ADK: variants seen among roughly 807,000 people sequenced by gnomAD.
The protein encoded by ADK is N6,N6-dimethyladenosine kinase.
A neutral mutation model predicts 44.7 loss-of-function variants in ADK; 24 were observed. The observed-to-expected ratio is 0.54, with a 90% confidence interval of 0.39 to 0.76. The LOEUF is 0.76. ADK is among the 30% of genes least tolerant of loss of function. The probability of loss-of-function intolerance (pLI) is 0.00; values close to 1 mark genes in which losing one functional copy is unlikely to be tolerated. For synonymous variants in ADK, 128 were observed against 142.6 expected, an observed-to-expected ratio of 0.90 and a Z score of 0.73; for missense variants, 321 against 425.1, an observed-to-expected ratio of 0.76 and a Z score of 2.15.
At chr10:74,383,082 A>G (rs549518015) in intron 4 of ADK, among the ~76,000 whole-genome samples, 7 of 152,098 alleles carry the variant, frequency 4.6e-5, no homozygotes, top group Admixed American at 3.9e-4. Flanking sequence ...TTGACTTAGA[A>G]GTAACAATAA....
chr10:74,313,774 A>T (rs1180932672), intron 3 of ADK, among the ~76,000 whole-genome samples: 1 of 151,764 alleles, frequency 6.6e-6, no homozygotes, highest in Non-Finnish European at 1.5e-5. Flanking sequence ...ATTTCCTGTT[A>T]AACAGATCTC....
intron 1 of ADK, among the ~76,000 whole-genome samples, chr10:74,185,411 A>G (rs960317295): frequency 6.6e-6 from 1 of 152,144 alleles, no homozygotes; most frequent in Non-Finnish European, 1.5e-5. Context: ...ATCAATGTTG[A>G]GTAGGAAAGA....
intron 6 of ADK, among the ~76,000 whole-genome samples, chr10:74,492,138 A>G (rs186694192): frequency 6.6e-6 from 1 of 152,270 alleles, no homozygotes; most frequent in Admixed American, 6.5e-5. Context: ...GTTAGTAAAA[A>G]TTCACGTTTT....
intron 2 of ADK, among the ~76,000 whole-genome samples, chr10:74,214,087 CT>C (rs1404494588): frequency 6.6e-6 from 1 of 151,958 alleles, no homozygotes; most frequent in East Asian, 1.9e-4. Flanking sequence ...AGTTTTAATC[CT>C]CGTTTACTTT....
At chr10:74,571,064 G>C (rs1014456427) in intron 7 of ADK, among the ~76,000 whole-genome samples, 1 of 152,034 alleles carries the variant, frequency 6.6e-6, no homozygotes, top group African/African-American at 2.4e-5. Context: ...TTTTGTCTTT[G>C]GTTCTGTTTA....
intron 1 of ADK, among the ~76,000 whole-genome samples, chr10:74,197,466 A>G (rs534480264): frequency 3.7e-4 from 56 of 152,130 alleles, no homozygotes; most frequent in Non-Finnish European, 7.2e-4. Context: ...TGGGAGGCCC[A>G]AGGCGGGTGG....
intron 4 of ADK, among the ~76,000 whole-genome samples, chr10:74,350,545 G>A (rs1187420556): frequency 1.3e-5 from 2 of 151,922 alleles, no homozygotes; most frequent in Non-Finnish European, 2.9e-5. Flanking sequence ...GCTAGCAGAA[G>A]ACAAGAAATA....
At chr10:74,427,918 G>A (rs142904303) in intron 6 of ADK, among the ~76,000 whole-genome samples, 141 of 152,228 alleles carry the variant, frequency 9.3e-4, no homozygotes, top group African/African-American at 3.2e-3. Context: ...TCATAGTTCA[G>A]GCGGCCAGAG....
At chr10:74,545,355 A>G (rs977817801) in intron 7 of ADK, among the ~76,000 whole-genome samples, 2 of 152,158 alleles carry the variant, frequency 1.3e-5, no homozygotes, top group African/African-American at 2.4e-5. Flanking sequence ...GGTCCCTGAC[A>G]ATGTGAATAG....
At chr10:74,387,397 C>T (rs1843181795) in intron 4 of ADK, among the ~76,000 whole-genome samples, 1 of 152,016 alleles carries the variant, frequency 6.6e-6, no homozygotes, top group South Asian at 2.1e-4. Flanking sequence ...TTTTGCAGTG[C>T]CTAACAGGTA....
intron 6 of ADK, among the ~76,000 whole-genome samples, chr10:74,444,128 T>C (rs1170759214): frequency 6.6e-6 from 1 of 152,150 alleles, no homozygotes; most frequent in Non-Finnish European, 1.5e-5. Flanking sequence ...GCTTCATCAG[T>C]CAGACCATCC....
chr10:74,401,361 T>A (rs777315899), intron 6 of ADK, among the ~76,000 whole-genome samples: 3 of 152,202 alleles, frequency 2.0e-5, no homozygotes, highest in Non-Finnish European at 4.4e-5. Flanking sequence ...AGTAGGTCTC[T>A]AAGGACTTGC....
At chr10:74,687,748 G>A (rs2134254171) in intron 10 of ADK, among the ~76,000 whole-genome samples, 1 of 152,308 alleles carries the variant, frequency 6.6e-6, no homozygotes, top group Middle Eastern at 3.4e-3. Context: ...CAAACCGTCA[G>A]TGAGTTCTTT....
At chr10:74,636,623 T>TTA (rs1251322825) in intron 9 of ADK, among the ~76,000 whole-genome samples, 2 of 152,230 alleles carry the variant, frequency 1.3e-5, no homozygotes, top group Non-Finnish European at 2.9e-5. Context: ...ATTTTTGTCT[T>TTA]TATAGTCAAG....
intron 6 of ADK, among the ~76,000 whole-genome samples, chr10:74,481,666 ATGTCT>A (rs1272290740): frequency 1.3e-5 from 2 of 152,076 alleles, no homozygotes; most frequent in Non-Finnish European, 2.9e-5. Context: ...TTTCTGTTAA[ATGTCT>A]TGTATGTGTC....
At chr10:74,669,033 A>G (rs1214570189) in intron 9 of ADK, among the ~76,000 whole-genome samples, 1 of 151,388 alleles carries the variant, frequency 6.6e-6, no homozygotes, top group Non-Finnish European at 1.5e-5. Context: ...ACAGAGCAAG[A>G]CCTAAAAAAA....
At chr10:74,305,608 G>A (rs1033048046) in intron 3 of ADK, among the ~76,000 whole-genome samples, 7 of 152,134 alleles carry the variant, frequency 4.6e-5, no homozygotes, top group African/African-American at 1.7e-4. Flanking sequence ...CTTCTCTTGT[G>A]TATGAGTGTG....
At chr10:74,241,016 A>G (rs755931455) in intron 3 of ADK, among the ~76,000 whole-genome samples, 6 of 152,204 alleles carry the variant, frequency 3.9e-5, no homozygotes, top group Non-Finnish European at 7.3e-5. Context: ...TGATACTATA[A>G]AACAAAACTT....
At chr10:74,607,477 C>T (rs536016933) in intron 9 of ADK, among the ~76,000 whole-genome samples, 82 of 152,154 alleles carry the variant, frequency 5.4e-4, no homozygotes, top group Non-Finnish European at 1.1e-3. Context: ...TTTTATTTCT[C>T]CTTTGCTTAT....
Sources: gnomAD v4.1 joint callset for allele counts (sites outside exome capture counted in the v4.1 genomes callset) on GRCh38, gnomAD v4.1.1 for gene constraint, MANE v1.5 for transcripts, NCBI Gene and HGNC (gene_info 2026-07-23, HGNC 2026-07-21) for gene names.